Variants in AGBL4 observed in about 807,000 individuals in gnomAD.
AGBL4 encodes cytosolic carboxypeptidase 6.
A neutral mutation model predicts 66.4 loss-of-function variants in AGBL4; 58 were observed. That is an observed-to-expected ratio of 0.87 (90% CI 0.71 to 1.09). The LOEUF (loss-of-function observed/expected upper bound fraction) is 1.09, where lower values mean the gene tolerates loss of function less well. Among genes scored for constraint, AGBL4 ranks in the 50% least tolerant of loss-of-function variants. AGBL4 has a pLI of 0.00. For missense variants in AGBL4, 579 were observed against 631.0 expected (o/e 0.92, Z 0.88); for synonymous variants, 234 against 222.9 (o/e 1.05, Z -0.44).
At chr1:48,698,108 G>A (rs984213629) in intron 6 of AGBL4, among the ~76,000 whole-genome samples, 1 of 152,192 alleles carries the variant, frequency 6.6e-6, no homozygotes, top group African/African-American at 2.4e-5. Flanking sequence ...CCAGGCCATG[G>A]TGACCCTCCA....
intron 5 of AGBL4, among the ~76,000 whole-genome samples, chr1:48,902,010 T>G (rs1570960501): frequency 6.6e-6 from 1 of 152,208 alleles, no homozygotes; most frequent in East Asian, 1.9e-4. Flanking sequence ...GACGAGAGCC[T>G]GTGCAGGGAA....
At chr1:48,784,605 A>C (rs1374443813) in intron 6 of AGBL4, among the ~76,000 whole-genome samples, 1 of 152,202 alleles carries the variant, frequency 6.6e-6, no homozygotes, top group Non-Finnish European at 1.5e-5. Flanking sequence ...AGAAATAAAA[A>C]CTTCTATGCA....
At chr1:48,705,675 T>G (rs1401520026) in intron 6 of AGBL4, among the ~76,000 whole-genome samples, 1 of 152,206 alleles carries the variant, frequency 6.6e-6, no homozygotes, top group African/African-American at 2.4e-5. Flanking sequence ...CTTCTGCATC[T>G]CAGGCAAAAT....
chr1:48,828,185 C>CA (rs569351077), intron 6 of AGBL4, among the ~76,000 whole-genome samples: 31,780 of 122,866 alleles, frequency 0.26, 4,794 homozygotes, highest in Middle Eastern at 0.38. Context: ...AACTCCATCT[C>CA]AAAAAAAAAA....
At chr1:48,659,660 G>T (rs1464843522) in intron 7 of AGBL4, among the ~76,000 whole-genome samples, 1 of 152,222 alleles carries the variant, frequency 6.6e-6, no homozygotes, top group Admixed American at 6.5e-5. Context: ...GCAGAGCTCA[G>T]CTAGTGACCC....
chr1:49,539,648 G>A (rs916431101), intron 3 of AGBL4, among the ~76,000 whole-genome samples: 3 of 152,114 alleles, frequency 2.0e-5, no homozygotes, highest in African/African-American at 4.8e-5. Flanking sequence ...CCTAGGAGCC[G>A]CATATTTATA....
At chr1:48,637,475 C>T (rs539672314) in intron 8 of AGBL4, among the ~76,000 whole-genome samples, 1 of 152,254 alleles carries the variant, frequency 6.6e-6, no homozygotes, top group East Asian at 1.9e-4. Flanking sequence ...TGATTTTGCC[C>T]CGTCTCCCTC....
chr1:49,935,538 G>C (rs545726967), intron 1 of AGBL4, among the ~76,000 whole-genome samples: 1 of 152,310 alleles, frequency 6.6e-6, no homozygotes, highest in Non-Finnish European at 1.5e-5. Flanking sequence ...CTCCTCAAGT[G>C]GGTCCCTAAC....
intron 6 of AGBL4, among the ~76,000 whole-genome samples, chr1:48,729,793 G>C (rs1338141177): frequency 6.6e-6 from 1 of 151,662 alleles, no homozygotes; most frequent in African/African-American, 2.4e-5. Context: ...TTTGCAAAGA[G>C]AAGCCTTTAA....
intron 5 of AGBL4, among the ~76,000 whole-genome samples, chr1:49,041,703 A>G (rs1226682919): frequency 1.3e-5 from 2 of 152,160 alleles, no homozygotes; most frequent in African/African-American, 4.8e-5. Flanking sequence ...AATAGTCTAT[A>G]TAAAGTAAGA....
At chr1:48,712,487 GTAA>G (rs975085717) in intron 6 of AGBL4, among the ~76,000 whole-genome samples, 78 of 152,280 alleles carry the variant, frequency 5.1e-4, no homozygotes, top group African/African-American at 1.7e-3. Flanking sequence ...TGAATTAAAA[GTAA>G]TAATAATAAT....
At chr1:49,658,790 C>G (rs181929189) in intron 3 of AGBL4, among the ~76,000 whole-genome samples, 186 of 150,372 alleles carry the variant, frequency 1.2e-3, no homozygotes, top group African/African-American at 4.4e-3. Context: ...TTCTCACTCA[C>G]AGGTGGGAAT....
intron 5 of AGBL4, among the ~76,000 whole-genome samples, chr1:48,986,450 C>T (rs571038301): frequency 2.0e-5 from 3 of 151,626 alleles, no homozygotes; most frequent in East Asian, 1.9e-4. Context: ...CGAGAAACAA[C>T]GATAAAGATG....
chr1:49,925,119 G>A (rs1468458271), intron 1 of AGBL4, among the ~76,000 whole-genome samples: 1 of 152,146 alleles, frequency 6.6e-6, no homozygotes, highest in Non-Finnish European at 1.5e-5. Context: ...TGTAGCTCAT[G>A]GGGTGACTCC....
At position 49,616,302 on chromosome 1, in the gene AGBL4, C is replaced by G. The variant is rs540504070; in HGVS notation, c.282+81011G>C. On this transcript the variant is annotated intron_variant, in intron 3 of 13. Transcript: ENST00000371839. ...ATCCACATCCCTCAATTTACTTGAC[C>G]TAAAAGCAGGCTTTGGCACAGTAGA... Among the ~76,000 whole-genome samples the G allele has an allele frequency of 2.6e-5, 4 of 152,214 alleles. No homozygotes were observed. The South Asian group carries it at 8.3e-4, about 32-fold the overall frequency.
At chr1:49,808,154 G>C (rs1645016170) in intron 2 of AGBL4, among the ~76,000 whole-genome samples, 1 of 152,208 alleles carries the variant, frequency 6.6e-6, no homozygotes, top group Admixed American at 6.5e-5. Context: ...AAGATGGAAA[G>C]AAACAGTAAA....
chr1:48,650,742 A>G lies in AGBL4; in HGVS notation c.839+2595T>C, dbSNP rs319990. ...TTTCCCAAAATGTGTTTCAGAAACC[A>G]TAACACTGGTTACAGGGAGGATGTG... On this transcript the variant is annotated intron_variant, in intron 8 of 13. Coordinates refer to ENST00000371839, the MANE Select transcript of AGBL4 (RefSeq NM_032785.4). Among the ~76,000 whole-genome samples, 9 of 152,112 alleles carry G rather than the reference A, an allele frequency of 5.9e-5. No homozygotes were observed. The South Asian group carries it at 1.5e-3, about 25-fold the overall frequency.
At chr1:49,706,496 C>T (rs1647226302) in intron 2 of AGBL4, among the ~76,000 whole-genome samples, 1 of 152,054 alleles carries the variant, frequency 6.6e-6, no homozygotes, top group Non-Finnish European at 1.5e-5. Flanking sequence ...TTTCAAAAAA[C>T]CAGCTACTAC....
At chr1:48,693,398 C>T (rs925276905) in intron 6 of AGBL4, among the ~76,000 whole-genome samples, 1 of 152,222 alleles carries the variant, frequency 6.6e-6, no homozygotes, top group African/African-American at 2.4e-5. Context: ...CAGAGAATTG[C>T]TCCCAGAGTC....
Sources: allele counts gnomAD v4.1 joint callset (sites outside exome capture counted in the v4.1 genomes callset), GRCh38; gene constraint gnomAD v4.1.1; transcripts MANE v1.5; gene names NCBI Gene and HGNC (gene_info 2026-07-23, HGNC 2026-07-21).